Variants in CPNE4 observed in about 807,000 individuals in gnomAD.
CPNE4 encodes copine-4.
Under a neutral mutation model 67.9 loss-of-function variants are expected in CPNE4, and 25 were observed. The observed-to-expected ratio is 0.37, with a 90% CI of 0.27 to 0.51. CPNE4 has a LOEUF of 0.51. Among genes scored for constraint, CPNE4 ranks in the 20% least tolerant of loss-of-function variants. The pLI, the probability that CPNE4 is intolerant of heterozygous loss-of-function variation, is 0.93. For missense variants in CPNE4, 464 were observed against 690.8 expected (o/e 0.67, Z 3.68); for synonymous variants, 242 against 244.9 (o/e 0.99, Z 0.11).
chr3:131,896,440 TA>T (rs1278911015), intron 2 of CPNE4, among the ~76,000 whole-genome samples: 2 of 152,026 alleles, frequency 1.3e-5, no homozygotes, highest in Non-Finnish European at 2.9e-5. Flanking sequence ...GAGATTTAAG[TA>T]ACACAAAAGA....
At chr3:132,038,626 G>A (rs935564575), upstream of CPNE4, among the ~76,000 whole-genome samples, 1 of 152,064 alleles carries the variant, frequency 6.6e-6, no homozygotes, top group Non-Finnish European at 1.5e-5. Context: ...CTGAGCCTCA[G>A]TTTTCTCATT....
At chr3:131,962,666 C>T (rs921004310) in intron 1 of CPNE4, among the ~76,000 whole-genome samples, 2 of 151,844 alleles carry the variant, frequency 1.3e-5, no homozygotes, top group African/African-American at 4.8e-5. Context: ...TTATCTAAAC[C>T]ATGAAATCCT....
At chr3:131,872,943 CCT>C (rs1219654954) in intron 2 of CPNE4, among the ~76,000 whole-genome samples, 2 of 151,174 alleles carry the variant, frequency 1.3e-5, no homozygotes, top group Non-Finnish European at 3.0e-5. Context: ...CTTTATGTGC[CCT>C]GTCTTAATTC....
At chr3:131,976,867 T>C (rs2072671101) in intron 1 of CPNE4, among the ~76,000 whole-genome samples, 1 of 151,920 alleles carries the variant, frequency 6.6e-6, no homozygotes, top group African/African-American at 2.4e-5. Flanking sequence ...AGTGGCACAA[T>C]CTTGGCTCAT....
chr3:131,699,174 C>A (rs1000080697), intron 4 of CPNE4, among the ~76,000 whole-genome samples: 7 of 152,070 alleles, frequency 4.6e-5, no homozygotes, highest in Non-Finnish European at 1.0e-4. Flanking sequence ...GCATTCCATT[C>A]AAAAATGTAA....
chr3:131,747,887 T>C (rs1296588719), intron 2 of CPNE4, among the ~76,000 whole-genome samples: 5 of 152,192 alleles, frequency 3.3e-5, no homozygotes, highest in Admixed American at 6.5e-5. Context: ...TAGCACAATA[T>C]TGAAAAAGAG....
chr3:131,771,023 T>G (rs999762941), intron 2 of CPNE4, among the ~76,000 whole-genome samples: 1 of 152,178 alleles, frequency 6.6e-6, no homozygotes, highest in Non-Finnish European at 1.5e-5. Flanking sequence ...ATGACCATGA[T>G]AGTCCTTATC....
At chr3:131,702,794 C>A (rs11918849) in intron 3 of CPNE4, among the ~76,000 whole-genome samples, 43,759 of 152,064 alleles carry the variant, frequency 0.29, 6,552 homozygotes, top group Non-Finnish European at 0.31. Flanking sequence ...CTAGAAATAC[C>A]AATGTTCCAT....
At chr3:131,586,648 C>T (rs1938196212) in intron 8 of CPNE4, among the ~76,000 whole-genome samples, 1 of 152,088 alleles carries the variant, frequency 6.6e-6, no homozygotes, top group Non-Finnish European at 1.5e-5. Flanking sequence ...GGTATTTCAG[C>T]TGGAAATTGG....
intron 2 of CPNE4, among the ~76,000 whole-genome samples, chr3:131,878,221 A>G (rs1416885133): frequency 6.6e-6 from 1 of 152,196 alleles, no homozygotes; most frequent in African/African-American, 2.4e-5. Flanking sequence ...AGCAACCCCT[A>G]TGTTCATCAG....
chr3:131,809,007 G>A (rs888563516), intron 2 of CPNE4, among the ~76,000 whole-genome samples: 1 of 152,188 alleles, frequency 6.6e-6, no homozygotes, highest in Non-Finnish European at 1.5e-5. Context: ...TCTTTGGAGA[G>A]TGTAGACATA....
At chr3:132,026,938 C>G (rs2074127574) in intron 1 of CPNE4, among the ~76,000 whole-genome samples, 1 of 152,222 alleles carries the variant, frequency 6.6e-6, no homozygotes, top group Non-Finnish European at 1.5e-5. Context: ...AGCCAGCGTT[C>G]AAACTAAGTA....
At chr3:131,788,668 AGT>A (rs2083629063) in intron 2 of CPNE4, among the ~76,000 whole-genome samples, 1 of 152,140 alleles carries the variant, frequency 6.6e-6, no homozygotes, top group East Asian at 1.9e-4. Context: ...AGATATAAAC[AGT>A]GATAAATATC....
At chr3:131,597,639 GTTCT>G (rs1188393370) in intron 7 of CPNE4, among the ~76,000 whole-genome samples, 7 of 152,112 alleles carry the variant, frequency 4.6e-5, no homozygotes, top group South Asian at 2.1e-4. Flanking sequence ...AAGGAAATAT[GTTCT>G]TTTTCTCTTG....
intron 5 of CPNE4, among the ~76,000 whole-genome samples, chr3:131,693,638 C>A (rs1283193995): frequency 6.6e-6 from 1 of 152,100 alleles, no homozygotes; most frequent in Non-Finnish European, 1.5e-5. Flanking sequence ...AAAATTATGT[C>A]TTGGCATTAT....
intron 5 of CPNE4, among the ~76,000 whole-genome samples, chr3:131,687,839 A>G (rs1583023807): frequency 6.6e-6 from 1 of 152,234 alleles, no homozygotes; most frequent in East Asian, 1.9e-4. Flanking sequence ...CTAGGTATAA[A>G]TGAGTGAATG....
Position 131,800,885 on chromosome 3 carries a change from G to A in CPNE4, c.181-77260C>T, listed in dbSNP as rs190373523. On this transcript the variant is annotated intron_variant, in intron 2 of 15. Coordinates refer to ENST00000429747, the MANE Select transcript of CPNE4 (RefSeq NM_130808.3). ...AGAGAAACACTAAGAAGGCTTCAGTGTGGGTGAAAAGAAGGGCATGGGATT... is the reference window on the plus strand; with the variant it reads ...AGAGAAACACTAAGAAGGCTTCAGTATGGGTGAAAAGAAGGGCATGGGATT... Among the ~76,000 whole-genome samples the A allele has an allele frequency of 4.0e-3, 606 of 152,290 alleles. 6 individuals are homozygous for A. Among genetic ancestry groups the A allele is most frequent in the Non-Finnish European group, 5.5e-3 (374 of 68,018 alleles).
intron 2 of CPNE4, among the ~76,000 whole-genome samples, chr3:131,897,140 G>A (rs1290180754): frequency 2.0e-5 from 3 of 152,040 alleles, no homozygotes; most frequent in African/African-American, 7.2e-5. Context: ...TAGACTAGTG[G>A]TAATTCGTTG....
At chr3:132,037,701 C>T (rs2074363351), upstream of CPNE4, 2 of 1,122,382 alleles carry the variant, frequency 1.8e-6, no homozygotes, top group Admixed American at 2.0e-5. Flanking sequence ...TAGATTCACT[C>T]GCCGGGTTTC....
Sources: gnomAD v4.1 joint callset for allele counts (sites outside exome capture counted in the v4.1 genomes callset) on GRCh38, gnomAD v4.1.1 for gene constraint, MANE v1.5 for transcripts, NCBI Gene and HGNC (gene_info 2026-07-23, HGNC 2026-07-21) for gene names.